SAMD4A: variants seen among roughly 807,000 people sequenced by gnomAD.
SAMD4A encodes protein Smaug homolog 1.
SAMD4A carries 33 observed loss-of-function variants against 81.3 expected under a neutral mutation model. That is an observed-to-expected ratio of 0.41 (90% confidence interval 0.31 to 0.54). The LOEUF is 0.54. Ranked by LOEUF, SAMD4A falls within the 20% of genes least tolerant of loss-of-function variation. SAMD4A has a pLI of 0.37. For synonymous variants in SAMD4A, 389 were observed against 382.1 expected (o/e 1.02, Z -0.21); for missense variants, 854 against 951.1 (o/e 0.90, Z 1.34).
upstream of SAMD4A, among the ~76,000 whole-genome samples, chr14:54,565,350 C>T (rs1198256553): frequency 6.6e-6 from 1 of 152,260 alleles, no homozygotes; most frequent in South Asian, 2.1e-4. The surrounding 1 kb of genome is among the most constrained non-coding windows in gnomAD (Gnocchi z 5.4). Context: ...CACAGCTCCC[C>T]CGACCGGTCT....
intron 6 of SAMD4A, among the ~76,000 whole-genome samples, chr14:54,755,152 G>A (rs2038205539): frequency 6.6e-6 from 1 of 152,206 alleles, no homozygotes; most frequent in Non-Finnish European, 1.5e-5. Context: ...TAGAGGCAGT[G>A]AGGATGGAGG....
chr14:54,648,738 A>G (rs956718224), intron 2 of SAMD4A, among the ~76,000 whole-genome samples: 1 of 152,112 alleles, frequency 6.6e-6, no homozygotes, highest in Admixed American at 6.6e-5. Flanking sequence ...ACTTTGGGTT[A>G]TGTTCTAGAT....
At chr14:54,609,894 G>T (rs1483936080) in intron 2 of SAMD4A, among the ~76,000 whole-genome samples, 1 of 152,158 alleles carries the variant, frequency 6.6e-6, no homozygotes, top group Non-Finnish European at 1.5e-5. Flanking sequence ...CTCTTTGTGG[G>T]TTTCTTTTCA....
chr14:54,776,331 G>C (rs2139942212), intron 10 of SAMD4A, 83 bp from the exon 11 acceptor site: 1 of 1,437,406 alleles, frequency 7.0e-7, no homozygotes, highest in South Asian at 1.3e-5. Flanking sequence ...TGGGATCTTT[G>C]CCTCCCAAAT....
intron 2 of SAMD4A, among the ~76,000 whole-genome samples, chr14:54,581,911 T>G (rs933272880): frequency 6.6e-6 from 1 of 152,258 alleles, no homozygotes; most frequent in African/African-American, 2.4e-5. Flanking sequence ...ATTTCCACTT[T>G]TACCTTTCAC....
chr14:54,585,896 A>G (rs1454476773), intron 2 of SAMD4A, among the ~76,000 whole-genome samples: 1 of 152,178 alleles, frequency 6.6e-6, no homozygotes, highest in African/African-American at 2.4e-5. Flanking sequence ...GCTGCTACAA[A>G]CATGCGTGTG....
At chr14:54,602,176 T>G (rs1408472596) in intron 2 of SAMD4A, among the ~76,000 whole-genome samples, 1 of 152,192 alleles carries the variant, frequency 6.6e-6, no homozygotes, top group Non-Finnish European at 1.5e-5. Context: ...CAATGCCCTT[T>G]TACTTGGGAC....
rs1346758984 is a variant in SAMD4A at position 54,661,782 on chromosome 14, T to C, written c.197-40280T>C. Among the ~76,000 whole-genome samples, 3 of 152,212 alleles carry C rather than the reference T, an allele frequency of 2.0e-5. No homozygotes were observed. The East Asian group carries it at 5.8e-4, about 29-fold the overall frequency. ...ATCCCCACTACTGGAGAAACACCTC[T>C]ACATGGCCTGAAGCATCTCTGTTCT... On this transcript the variant is annotated intron_variant, in intron 2 of 12. Coordinates refer to ENST00000554335, the MANE Select transcript of SAMD4A (RefSeq NM_015589.6).
In SAMD4A at chr14:54,702,227, A is replaced by G. The variant is rs2036737683; in HGVS notation, c.362A>G (p.Glu121Gly). ...HSIEHNQHIEESRQLLSYALI... is the reference protein window; with the variant it reads ...HSIEHNQHIEGSRQLLSYALI... ...ATTGAACACAACCAGCACATTGAGG[A>G]GAGCAGGCAGCTGCTGTCCTATGCT... The change falls in exon 3 of 13, where the codon GAG becomes GGG. Residue 121 changes from glutamate (E) to glycine (G), a missense_variant. Physicochemically the swap from Glu to Gly is moderately conservative, Grantham distance 98. Transcript: ENST00000554335. 6.2e-7 allele frequency: 1 copy of G among 1,614,222 alleles called. No homozygotes were observed. Among genetic ancestry groups the G allele is most frequent in the African/African-American group, 1.3e-5 (1 of 75,068 alleles).
Position 54,707,894 on chromosome 14 carries a change from G to A in SAMD4A, c.715+5314G>A, listed in dbSNP as rs1399043369. The stretch of plus-strand genomic sequence containing the variant: ...GGCTGGTGTCTGAAAGGGATTGAAC[G>A]AGGTAGACAGTGGTCGGAGAGGCTG... On this transcript the variant is annotated intron_variant, in intron 3 of 12. Coordinates refer to ENST00000554335, the MANE Select transcript of SAMD4A (RefSeq NM_015589.6). Among the ~76,000 whole-genome samples, 6 of 152,314 alleles carry A rather than the reference G, an allele frequency of 3.9e-5. No homozygotes were observed. In the East Asian group the frequency reaches 9.7e-4, roughly 25 times the overall value.
intron 2 of SAMD4A, among the ~76,000 whole-genome samples, chr14:54,623,626 G>GGGGAGAGCA (rs951339071): frequency 1.6e-3 from 15 of 9,440 alleles, no homozygotes; most frequent in East Asian, 0.022. Context: ...GGGATCAGTT[G>GGGGAGAGCA]GGGAGGGTGG....
At chr14:54,656,839 C>T (rs1340746082) in intron 2 of SAMD4A, among the ~76,000 whole-genome samples, 1 of 152,088 alleles carries the variant, frequency 6.6e-6, no homozygotes, top group Non-Finnish European at 1.5e-5. Context: ...GATCTCCTGA[C>T]CTTGTGATCC....
intron 6 of SAMD4A, among the ~76,000 whole-genome samples, chr14:54,755,163 A>G (rs543888904): frequency 2.0e-3 from 300 of 152,258 alleles, no homozygotes; most frequent in African/African-American, 6.8e-3. Flanking sequence ...AGGATGGAGG[A>G]GGAGGATAGA....
intron 2 of SAMD4A, among the ~76,000 whole-genome samples, chr14:54,646,622 A>G (rs889429389): frequency 1.3e-5 from 2 of 152,226 alleles, no homozygotes; most frequent in African/African-American, 4.8e-5. Flanking sequence ...CCATATAGCC[A>G]CCTCTGAATT....
chr14:54,780,986 T>C (rs2038985947), intron 11 of SAMD4A, among the ~76,000 whole-genome samples: 1 of 152,062 alleles, frequency 6.6e-6, no homozygotes, highest in Admixed American at 6.5e-5. Context: ...CTTAGTTCTC[T>C]TGTCTTCCTT....
chr14:54,773,925 C>A (rs1295713552), intron 9 of SAMD4A, among the ~76,000 whole-genome samples: 1 of 152,204 alleles, frequency 6.6e-6, no homozygotes, highest in Non-Finnish European at 1.5e-5. Flanking sequence ...TCCTGGTGGG[C>A]CTCACAGGCT....
rs537211669 is a variant in SAMD4A at position 54,592,251 on chromosome 14, C to T, written c.196+24139C>T. Among the ~76,000 whole-genome samples, 5 of 152,264 alleles carry T rather than the reference C, an allele frequency of 3.3e-5. No individual in the cohort carries two copies. In the South Asian group the frequency reaches 1.0e-3, roughly 32 times the overall value. ...TGAGTACCTTATGTTTAAGTTGTCT[C>T]CTCAAATGGTTTGTAAGCTCCTTTC... On this transcript the variant is annotated intron_variant, in intron 2 of 12. Transcript: ENST00000554335.
chr14:54,778,885 G>A (rs1190459973), intron 11 of SAMD4A, among the ~76,000 whole-genome samples: 1 of 152,188 alleles, frequency 6.6e-6, no homozygotes, highest in Non-Finnish European at 1.5e-5. Flanking sequence ...TCACTGAAGG[G>A]GAAGGAGGCT....
intron 2 of SAMD4A, among the ~76,000 whole-genome samples, chr14:54,684,591 T>A (rs2036206076): frequency 6.6e-6 from 1 of 150,974 alleles, no homozygotes. Context: ...CCTGCCCTGT[T>A]TCCATTGGCC....
Sources: gnomAD v4.1 joint callset for allele counts (sites outside exome capture counted in the v4.1 genomes callset) on GRCh38, gnomAD v4.1.1 for gene constraint, Gnocchi (gnomAD v3.1) non-coding constraint, MANE v1.5 for transcripts, NCBI Gene and HGNC (gene_info 2026-07-23, HGNC 2026-07-21) for gene names.